The following ADGRL2 variants were observed in gnomAD, a reference collection of about 807,000 sequenced individuals.
The protein encoded by ADGRL2 is adhesion G protein-coupled receptor L2, also known as calcium-independent alpha-latrotoxin receptor 2.
In ADGRL2, 44 loss-of-function variants were observed where a neutral mutation model predicts 157.4. That is an observed-to-expected ratio of 0.28 (90% CI 0.22 to 0.36). The LOEUF (loss-of-function observed/expected upper bound fraction) is 0.36, where lower values mean the gene tolerates loss of function less well. ADGRL2 is among the 10% of genes least tolerant of loss of function. The pLI is 1.00. For synonymous variants in ADGRL2, 585 were observed against 624.7 expected (o/e 0.94, Z 0.95); for missense variants, 1,510 against 1,768.9 (o/e 0.85, Z 2.63).
chr1:81,792,249 CCT>C (rs556270786), intron 2 of ADGRL2, among the ~76,000 whole-genome samples: 88 of 152,202 alleles, frequency 5.8e-4, no homozygotes, highest in African/African-American at 2.1e-3. Context: ...GCAACTTTCC[CCT>C]GACATTAAAT....
chr1:81,359,500 A>T (rs1280618628), intron 1 of ADGRL2, among the ~76,000 whole-genome samples: 1 of 151,994 alleles, frequency 6.6e-6, no homozygotes, highest in East Asian at 1.9e-4. Context: ...AGTAATGCCA[A>T]CTTGGTACTT....
intron 2 of ADGRL2, among the ~76,000 whole-genome samples, chr1:81,453,370 C>T (rs1049165621): frequency 3.3e-5 from 5 of 152,076 alleles, no homozygotes; most frequent in East Asian, 3.9e-4. Flanking sequence ...AGACATCTCT[C>T]GGTAAATCAG....
At chr1:81,812,046 A>G (rs1172768013) in intron 1 of ADGRL2, among the ~76,000 whole-genome samples, 1 of 151,784 alleles carries the variant, frequency 6.6e-6, no homozygotes, top group Non-Finnish European at 1.5e-5. Flanking sequence ...AAGAATAATC[A>G]TGTTGAACCA....
intron 1 of ADGRL2, among the ~76,000 whole-genome samples, chr1:81,320,450 G>C (rs906339301): frequency 1.3e-5 from 2 of 152,168 alleles, no homozygotes; most frequent in Non-Finnish European, 2.9e-5. Flanking sequence ...TCCCTCAGAA[G>C]AATCTCTATC....
At chr1:81,445,853 A>G (rs1311446954) in intron 2 of ADGRL2, among the ~76,000 whole-genome samples, 3 of 152,362 alleles carry the variant, frequency 2.0e-5, no homozygotes, top group South Asian at 4.1e-4. Flanking sequence ...GTGGCATAGC[A>G]TAAACAAATT....
At chr1:81,741,832 A>T (rs2085082671) in intron 1 of ADGRL2, among the ~76,000 whole-genome samples, 1 of 151,906 alleles carries the variant, frequency 6.6e-6, no homozygotes, top group African/African-American at 2.4e-5. Flanking sequence ...ACTGTAATAT[A>T]AAATATATAT....
intron 2 of ADGRL2, among the ~76,000 whole-genome samples, chr1:81,785,617 A>T (rs2087006565): frequency 6.6e-6 from 1 of 151,956 alleles, no homozygotes; most frequent in Non-Finnish European, 1.5e-5. Context: ...AGTCCTAGCT[A>T]CTCAGGCAGC....
chr1:81,514,002 A>G (rs967709082), intron 2 of ADGRL2: 1 of 152,188 alleles, frequency 6.6e-6, no homozygotes, highest in African/African-American at 2.4e-5. Flanking sequence ...GGCTCCCACA[A>G]TGGAGCATTA....
intron 1 of ADGRL2, among the ~76,000 whole-genome samples, chr1:81,362,408 T>C (rs1225723775): frequency 6.6e-6 from 1 of 151,732 alleles, no homozygotes; most frequent in Non-Finnish European, 1.5e-5. Context: ...TTTTTTTCTT[T>C]GACTATCAGA....
intron 1 of ADGRL2, among the ~76,000 whole-genome samples, chr1:81,387,480 G>A (rs2076458197): frequency 6.6e-6 from 1 of 152,036 alleles, no homozygotes; most frequent in Non-Finnish European, 1.5e-5. Flanking sequence ...TCTATAGAAG[G>A]CACTGTTCAC....
intron 4 of ADGRL2, 51 bp from the exon 5 acceptor site, chr1:81,941,983 C>G (rs1648149951): frequency 1.3e-6 from 1 of 745,146 alleles, no homozygotes; most frequent in Admixed American, 1.9e-5. Flanking sequence ...AATCTTTTTT[C>G]TTTTTTCCTT....
At chr1:81,961,421 A>C (rs1329011549) in intron 11 of ADGRL2, among the ~76,000 whole-genome samples, 1 of 152,046 alleles carries the variant, frequency 6.6e-6, no homozygotes, top group Non-Finnish European at 1.5e-5. Flanking sequence ...AAGCTTAAAA[A>C]ATTTTGCTTT....
At chr1:81,925,614 G>T (rs910374856) in intron 3 of ADGRL2, among the ~76,000 whole-genome samples, 1 of 150,434 alleles carries the variant, frequency 6.6e-6, no homozygotes, top group African/African-American at 2.4e-5. Flanking sequence ...AATAAAAAAT[G>T]GGAAATGTTT....
chr1:81,741,338 T>C (rs2085067477), intron 1 of ADGRL2, among the ~76,000 whole-genome samples: 1 of 152,088 alleles, frequency 6.6e-6, no homozygotes, highest in African/African-American at 2.4e-5. Context: ...GGCAGTATAT[T>C]TTACATTTTT....
rs547350542 is a variant in ADGRL2 at position 81,935,349 on chromosome 1, GTTACTT to G, written c.288-1378_288-1373del. Among the ~76,000 whole-genome samples, 649 of 151,982 alleles carry G rather than the reference GTTACTT, an allele frequency of 4.3e-3. 5 individuals are homozygous for G. The highest frequency in any genetic ancestry group is 0.014 in the African/African-American group (600 of 41,508). ...ATACTCTATTATAATCATGATAAAAGTTACTTATACTTTATTTAGGTCTTGTTTGAA... is the reference window on the plus strand; with the variant it reads ...ATACTCTATTATAATCATGATAAAAGATACTTTATTTAGGTCTTGTTTGAA... On this transcript the variant is annotated intron_variant, in intron 3 of 23. Coordinates refer to ENST00000686636, the MANE Select transcript of ADGRL2 (RefSeq NM_001366006.2).
chr1:81,967,452 G>A (rs1187507248), intron 13 of ADGRL2, among the ~76,000 whole-genome samples: 1 of 151,960 alleles, frequency 6.6e-6, no homozygotes, highest in Non-Finnish European at 1.5e-5. Flanking sequence ...TAGTAGAGAC[G>A]GGGTTTCACT....
intron 1 of ADGRL2, among the ~76,000 whole-genome samples, chr1:81,363,072 T>C (rs1248657314): frequency 6.6e-6 from 1 of 152,072 alleles, no homozygotes; most frequent in African/African-American, 2.4e-5. Flanking sequence ...TTACTATCTA[T>C]GTTGATATAC....
chr1:81,677,277 A>G (rs554510889), intron 3 of ADGRL2, among the ~76,000 whole-genome samples: 1 of 152,176 alleles, frequency 6.6e-6, no homozygotes, highest in South Asian at 2.1e-4. Flanking sequence ...GAGCCACCAC[A>G]CCTGGCCCAA....
intron 3 of ADGRL2, among the ~76,000 whole-genome samples, chr1:81,923,805 A>G (rs889938028): frequency 6.6e-6 from 1 of 152,130 alleles, no homozygotes; most frequent in Non-Finnish European, 1.5e-5. Flanking sequence ...AGAAAGGTGA[A>G]ACTACAGTCC....
Sources: allele counts gnomAD v4.1 joint callset (sites outside exome capture counted in the v4.1 genomes callset), GRCh38; gene constraint gnomAD v4.1.1; transcripts MANE v1.5; gene names NCBI Gene and HGNC (gene_info 2026-07-23, HGNC 2026-07-21).